WTAP: variants seen among roughly 807,000 people sequenced by gnomAD.
The protein encoded by WTAP is WT1 associated protein, also known as pre-mRNA-splicing regulator WTAP.
A neutral mutation model predicts 50.0 loss-of-function variants in WTAP; 8 were observed. The ratio of observed to expected loss-of-function variants is 0.16; its 90% CI spans 0.09 to 0.29. WTAP has a LOEUF of 0.29. WTAP is among the 10% of genes least tolerant of loss of function. The pLI, the probability that WTAP is intolerant of heterozygous loss-of-function variation, is 1.00. For missense variants in WTAP, 295 were observed against 470.7 expected, an observed-to-expected ratio of 0.63 and a Z score of 3.45; for synonymous variants, 194 against 169.0, an observed-to-expected ratio of 1.15 and a Z score of -1.15.
Position 159,727,668 on chromosome 6 carries a change from C to A in WTAP, c.-44C>A. ...GCAAGCAGCGCGGCCTCGGCCTATG[C>A]GACCGGTGGCGCCGGCGCGGCTTCT... On this transcript the variant is annotated 5_prime_UTR_variant, in exon 1 of 8. Transcript: ENST00000621533. The A allele has an allele frequency of 1.1e-5, 11 of 984,688 alleles. No individual in the cohort carries two copies. Among genetic ancestry groups the A allele is most frequent in the Non-Finnish European group, 1.2e-5 (10 of 830,018 alleles). 61.0% of individuals were successfully genotyped at this position (984,688 alleles called of 1,614,324 possible). A position where few individuals can be genotyped will look rare whatever the true frequency, so the allele number is the denominator to read the frequency against.
upstream of WTAP, chr6:159,727,422 G>C (rs1562447027): frequency 3.4e-6 from 4 of 1,170,520 alleles, no homozygotes; most frequent in Non-Finnish European, 4.3e-6. Context: ...GCTGGCCTGC[G>C]GCGCGTTCGG....
chr6:159,754,461 G>C (rs1779931301), intron 7 of WTAP, among the ~76,000 whole-genome samples: 1 of 152,080 alleles, frequency 6.6e-6, no homozygotes, highest in South Asian at 2.1e-4. Context: ...TCAAACTTTG[G>C]GGCTGTAATC....
intron 5 of WTAP, among the ~76,000 whole-genome samples, chr6:159,747,937 G>A (rs935732445): frequency 6.6e-5 from 10 of 152,056 alleles, no homozygotes; most frequent in Non-Finnish European, 1.2e-4. Context: ...CATATTCAAG[G>A]ACTACTACAT....
intron 6 of WTAP, among the ~76,000 whole-genome samples, chr6:159,752,737 G>C (rs747307526): frequency 5.3e-5 from 8 of 152,100 alleles, no homozygotes; most frequent in Non-Finnish European, 1.0e-4. Context: ...GAAGATGGAT[G>C]TACCAGAAAA....
chr6:159,753,067 AC>A (rs2114957438), intron 6 of WTAP, among the ~76,000 whole-genome samples: 1 of 152,336 alleles, frequency 6.6e-6, no homozygotes, highest in African/African-American at 2.4e-5. Flanking sequence ...TGTTGCATGT[AC>A]CTTTTCAAGA....
intron 4 of WTAP, among the ~76,000 whole-genome samples, chr6:159,743,076 C>T (rs1354436129): frequency 6.6e-6 from 1 of 152,216 alleles, no homozygotes; most frequent in African/African-American, 2.4e-5. Context: ...GAGACAGGGT[C>T]TCGCACTGTT....
intron 5 of WTAP, among the ~76,000 whole-genome samples, chr6:159,745,775 T>TA: frequency 6.6e-6 from 1 of 152,182 alleles, no homozygotes; most frequent in East Asian, 1.9e-4. Context: ...GAACAGGACT[T>TA]TAAGCAGGAA....
chr6:159,728,676 T>C (rs1778377794), intron 1 of WTAP, among the ~76,000 whole-genome samples: 1 of 152,228 alleles, frequency 6.6e-6, no homozygotes, highest in Non-Finnish European at 1.5e-5. Context: ...GCGAAAAATC[T>C]TTTCAAGATG....
rs1340394472 is a variant in WTAP, at chr6:159,755,341, A to G, written c.921A>G (p.Pro307=). The part of the protein sequence containing the change: ...NTTEDDFPSS[P]GNGNKSSNSS... ...CCGAAGATGACTTTCCTTCTTCTCCAGGGAATGGTAATAAGTCCTCCAACA... is the reference window on the plus strand; with the variant it reads ...CCGAAGATGACTTTCCTTCTTCTCCGGGGAATGGTAATAAGTCCTCCAACA... Residue 307 remains proline (P), a synonymous_variant, in exon 8 of 8, where the codon CCA becomes CCG. Coordinates refer to ENST00000621533, the MANE Select transcript of WTAP (RefSeq NM_001270531.2). 6.2e-7 allele frequency: 1 copy of G among 1,614,234 alleles called. No individual in the cohort carries two copies. Among genetic ancestry groups the G allele is most frequent in the Non-Finnish European group, 8.5e-7 (1 of 1,180,038 alleles).
In WTAP at chr6:159,756,033, A is replaced by G. The variant is rs889844916; in HGVS notation, c.*422A>G. 6.3e-6 allele frequency: 1 copy of G among 158,266 alleles called. No homozygotes were observed. The highest frequency in any genetic ancestry group is 2.4e-5 in the African/African-American group (1 of 41,474). 9.8% of individuals were successfully genotyped at this position (158,266 alleles called of 1,614,324 possible). On this transcript the variant is annotated 3_prime_UTR_variant, in exon 8 of 8. Coordinates refer to ENST00000621533, the MANE Select transcript of WTAP (RefSeq NM_001270531.2). ...CTTATGCACCATTCAGACTTGTTAG[A>G]GTAGATGTGGGTTTATGACTGCCAA...
At chr6:159,734,256 C>G (rs751526689) in intron 1 of WTAP, among the ~76,000 whole-genome samples, 29 of 151,742 alleles carry the variant, frequency 1.9e-4, no homozygotes, top group Non-Finnish European at 3.4e-4. Context: ...TCAAGCAGCT[C>G]TCCTGCCTCA....
intron 1 of WTAP, among the ~76,000 whole-genome samples, chr6:159,733,911 C>T (rs757502799): frequency 2.0e-5 from 3 of 151,868 alleles, no homozygotes; most frequent in Non-Finnish European, 2.9e-5. Flanking sequence ...AGCGAAACTC[C>T]ATCTCCAAAA....
intron 1 of WTAP, among the ~76,000 whole-genome samples, chr6:159,730,378 A>G (rs1003440450): frequency 5.9e-5 from 9 of 152,298 alleles, no homozygotes; most frequent in Admixed American, 5.2e-4. Flanking sequence ...AGAACCTAGA[A>G]TATTCATTGC....
chr6:159,752,673 T>G (rs980677062), intron 6 of WTAP, among the ~76,000 whole-genome samples: 2 of 152,328 alleles, frequency 1.3e-5, no homozygotes, highest in Non-Finnish European at 2.9e-5. Flanking sequence ...AAAAAAACCT[T>G]AACTGCTGAA....
At chr6:159,736,057 A>T (rs1439775967) in intron 1 of WTAP, among the ~76,000 whole-genome samples, 1 of 152,208 alleles carries the variant, frequency 6.6e-6, no homozygotes, top group Non-Finnish European at 1.5e-5. Flanking sequence ...AGATCTGGGT[A>T]CAGAGTATAT....
At chr6:159,731,403 G>A (rs190503285) in intron 1 of WTAP, among the ~76,000 whole-genome samples, 75 of 152,218 alleles carry the variant, frequency 4.9e-4, no homozygotes, top group African/African-American at 1.7e-3. Context: ...AAGAGATGGA[G>A]GCTGCAGTGA....
At chr6:159,742,342 G>A (rs944238494) in intron 4 of WTAP, among the ~76,000 whole-genome samples, 196 bp downstream of exon 4, 2 of 152,132 alleles carry the variant, frequency 1.3e-5, no homozygotes, top group African/African-American at 4.8e-5. Context: ...AGAAGACAGA[G>A]GTGTAATAGT....
chr6:159,750,171 T>C (rs1381511494), intron 6 of WTAP, among the ~76,000 whole-genome samples: 1 of 152,240 alleles, frequency 6.6e-6, no homozygotes, highest in East Asian at 1.9e-4. Context: ...AATTAGCTTA[T>C]GTGCTTGCAT....
rs184478212 is a variant in WTAP at position 159,748,145 on chromosome 6, A to G, written c.274-46A>G. The G allele has an allele frequency of 1.1e-4, 171 of 1,569,554 alleles. No homozygotes were observed. The African/African-American group carries it at 2.0e-3, about 19-fold the overall frequency. On this transcript the variant is annotated intron_variant, in intron 5 of 7. Coordinates refer to ENST00000621533, the MANE Select transcript of WTAP (RefSeq NM_001270531.2). This position sits in a 1 kb window ranked among gnomAD's most constrained non-coding sequence, Gnocchi z 5.6. ...GGGAGTTTTCCCCACCTTCTTATGTATGTTTCCTTTGATTTGGTCGTAATT... is the reference window on the plus strand; with the variant it reads ...GGGAGTTTTCCCCACCTTCTTATGTGTGTTTCCTTTGATTTGGTCGTAATT...
Sources: allele counts gnomAD v4.1 joint callset (sites outside exome capture counted in the v4.1 genomes callset), GRCh38; gene constraint gnomAD v4.1.1; non-coding constraint Gnocchi (gnomAD v3.1); transcripts MANE v1.5; gene names NCBI Gene and HGNC (gene_info 2026-07-23, HGNC 2026-07-21).